CHP2: variants seen among roughly 807,000 people sequenced by gnomAD.
The protein encoded by CHP2 is calcineurin like EF-hand protein 2.
In CHP2, 31 loss-of-function variants were observed where a neutral mutation model predicts 24.7. The observed-to-expected ratio is 1.26, with a 90% confidence interval of 0.94 to 1.69. The LOEUF is 1.69. Ranked by LOEUF, CHP2 falls within the 40% of genes most tolerant of loss-of-function variation. CHP2 has a pLI of 0.00. For synonymous variants in CHP2, 97 were observed against 99.1 expected (o/e 0.98, Z 0.13); for missense variants, 319 against 261.5 (o/e 1.22, Z -1.52).
At chr16:23,757,057 A>AC (rs984177493) in intron 5 of CHP2, 144 bp from the exon 6 acceptor site, 4 of 817,140 alleles carry the variant, frequency 4.9e-6, no homozygotes, top group East Asian at 3.0e-5. Flanking sequence ...AGGGAAAATT[A>AC]TTGGGGGATA....
chr16:23,755,089 G>A lies in CHP2; in HGVS notation c.40G>A (p.Gly14Arg). The change falls in exon 1 of 7, where the codon GGG (glycine) becomes AGG (arginine). Residue 14 changes from glycine to arginine, a missense_variant. Transcript: ENST00000300113. ...RSSHAAVIPD[G>R]DSIRRETGFS... is the part of the protein sequence containing the mutation. The stretch of plus-strand genomic sequence containing the variant: ...CTCCCACGCCGCGGTCATTCCCGAC[G>A]GGGACAGTATTCGGCGAGAGACCGG... 1.2e-6 allele frequency: 2 copies of A among 1,601,826 alleles called. No individual in the cohort carries two copies. The highest frequency in any genetic ancestry group is 1.7e-6 in the Non-Finnish European group (2 of 1,176,542).
rs758157005 is a variant in CHP2 at position 23,755,669 on chromosome 16, G to A, written c.76G>A (p.Ala26Thr). 2 of 1,613,970 alleles carry A rather than the reference G, an allele frequency of 1.2e-6. No homozygotes were observed. The highest frequency in any genetic ancestry group is 1.1e-5 in the South Asian group (1 of 91,070). ...SIRRETGFSQ[A>T]SLLRLHHRFR... ...CACTCTCCTTCCCGCAGTCTCCCAAGCCAGCCTGCTCCGCCTGCACCACCG... is the reference window on the plus strand; with the variant it reads ...CACTCTCCTTCCCGCAGTCTCCCAAACCAGCCTGCTCCGCCTGCACCACCG... The change falls in exon 2 of 7, where the codon GCC becomes ACC. Residue 26 changes from alanine (A) to threonine (T), a missense_variant. Coordinates refer to ENST00000300113, the MANE Select transcript of CHP2 (RefSeq NM_022097.4).
chr16:23,756,618 G>C (rs541776210), intron 5 of CHP2, among the ~76,000 whole-genome samples, 169 bp downstream of exon 5: 1 of 152,268 alleles, frequency 6.6e-6, no homozygotes, highest in Non-Finnish European at 1.5e-5. Context: ...TTGGGAGTCG[G>C]AGTGGGGAGC....
At chr16:23,757,488 C>T (rs1408716520) in intron 6 of CHP2, 42 bp from the exon 7 acceptor site, 2 of 1,604,734 alleles carry the variant, frequency 1.2e-6, no homozygotes, top group African/African-American at 2.7e-5. Flanking sequence ...GCATGGAGAG[C>T]TGAGAGTCAA....
intron 3 of CHP2, 24 bp downstream of exon 3, chr16:23,755,951 G>A: frequency 6.2e-7 from 1 of 1,614,086 alleles, no homozygotes; most frequent in Non-Finnish European, 8.5e-7. Context: ...GGCGTGGGGA[G>A]GTGAAGGCGG....
Position 23,756,245 on chromosome 16 carries a change from G to C in CHP2, c.352+52G>C, listed in dbSNP as rs202155821. On this transcript the variant is annotated intron_variant, in intron 4 of 6. Coordinates refer to ENST00000300113, the MANE Select transcript of CHP2 (RefSeq NM_022097.4). The stretch of plus-strand genomic sequence containing the variant: ...GAGAATGCAGATGTACCCACACCAG[G>C]GACAGGCTCCAGGGATCTCCCACTC... 332 of 1,609,050 alleles carry C rather than the reference G, an allele frequency of 2.1e-4. No homozygotes were observed. In the South Asian group the frequency reaches 3.3e-3, roughly 16 times the overall value.
intron 5 of CHP2, among the ~76,000 whole-genome samples, chr16:23,756,721 T>C (rs1195089080): frequency 6.6e-6 from 1 of 152,104 alleles, no homozygotes; most frequent in Non-Finnish European, 1.5e-5. Flanking sequence ...GGAGATGCTT[T>C]TTGTTGTCAC....
In CHP2 at chr16:23,755,747, G is replaced by A. The variant is rs996728384; in HGVS notation, c.140+14G>A. ...GGGCTACCTGAGGTGAGGGGGAGCC[G>A]GCCTCATAACTTCTGGCCTCTGTCT... is the stretch of plus-strand genomic sequence containing the variant. On this transcript the variant is annotated intron_variant, in intron 2 of 6. Coordinates refer to ENST00000300113, the MANE Select transcript of CHP2 (RefSeq NM_022097.4). The A allele has an allele frequency of 3.7e-6, 6 of 1,613,904 alleles. No homozygotes were observed. The highest frequency in any genetic ancestry group is 2.2e-5 in the East Asian group (1 of 44,876).
At position 23,757,846 on chromosome 16, in the gene CHP2, T is replaced by C; in HGVS notation, c.*263T>C. 3.9e-6 allele frequency: 2 copies of C among 513,200 alleles called. No homozygotes were observed. The highest frequency in any genetic ancestry group is 3.5e-6 in the Non-Finnish European group (1 of 284,328). 31.8% of individuals were successfully genotyped at this position (513,200 alleles called of 1,614,324 possible). ...TGATTCAAGTGCATTACATTTATTG[T>C]GCACTTTATTTCTATTATGATTACA... On this transcript the variant is annotated 3_prime_UTR_variant, in exon 7 of 7. Transcript: ENST00000300113.
Position 23,758,166 on chromosome 16 carries a change from C to G in CHP2, c.*583C>G, listed in dbSNP as rs980163714. The G allele has an allele frequency of 6.1e-6, 1 of 164,968 alleles. No individual in the cohort carries two copies. The highest frequency in any genetic ancestry group is 2.4e-5 in the African/African-American group (1 of 41,648). 10.2% of individuals were successfully genotyped at this position (164,968 alleles called of 1,614,324 possible). A position where few individuals can be genotyped will look rare whatever the true frequency, so the allele number is the denominator to read the frequency against. ...GCTGTAAATATAGATGAAGCTTCAG[C>G]TCGCCTGCCGCTCACCTTGTGCTGT... On this transcript the variant is annotated 3_prime_UTR_variant, in exon 7 of 7. Coordinates refer to ENST00000300113, the MANE Select transcript of CHP2 (RefSeq NM_022097.4).
intron 6 of CHP2, 93 bp downstream of exon 6, chr16:23,757,416 G>C: frequency 6.3e-7 from 1 of 1,582,314 alleles, no homozygotes; most frequent in Non-Finnish European, 8.7e-7. Flanking sequence ...CGGAAAGATA[G>C]GGGTTGCCTG....
intron 1 of CHP2, 158 bp from the exon 2 acceptor site, chr16:23,755,503 T>C: frequency 1.5e-6 from 1 of 659,960 alleles, no homozygotes; most frequent in Non-Finnish European, 2.7e-6. Context: ...CGTGTCACTC[T>C]CCCTCCGCCC....
chr16:23,755,532 A>G (rs1396943654), intron 1 of CHP2, 129 bp from the exon 2 acceptor site: 4 of 791,468 alleles, frequency 5.1e-6, no homozygotes, highest in Non-Finnish European at 6.4e-6. Flanking sequence ...TCAACCCCTG[A>G]TTCCCCGGGA....
rs1301199596 is a variant in CHP2, at chr16:23,755,721, A to T, written c.128A>T (p.Lys43Met). 1 of 1,614,188 alleles carries T rather than the reference A, an allele frequency of 6.2e-7. No individual in the cohort carries two copies. The highest frequency in any genetic ancestry group is 2.2e-5 in the East Asian group (1 of 44,864). The part of the protein sequence containing the change: ...HRFRALDRNK[K>M]GYLSRMDLQQ... ...TTCCGGGCACTGGACAGGAATAAGA[A>T]GGGCTACCTGAGGTGAGGGGGAGCC... The change falls in exon 2 of 7, where the codon AAG (lysine) becomes ATG (methionine). Residue 43 changes from lysine to methionine, a missense_variant. By Grantham distance (95) the Lys-to-Met change is moderately conservative (BLOSUM62 -1). Transcript: ENST00000300113.
rs1567268073 is a variant in CHP2 at position 23,755,885 on chromosome 16, AC to A, written c.184del (p.Leu62TrpfsTer6). The stretch of plus-strand genomic sequence containing the variant: ...CAGCAGATAGGGGCGCTCGCCGTGA[AC>A]CCCCTGGGAGACCGAATTATAGAAA... ...DLQQIGALAV[N>X]PLGDRIIESF... On this transcript the variant is annotated frameshift_variant, in exon 3 of 7. Transcript: ENST00000300113. LOFTEE classifies it high-confidence loss of function. 6.2e-7 allele frequency: 1 copy of A among 1,613,722 alleles called. No individual in the cohort carries two copies. The highest frequency in any genetic ancestry group is 1.7e-5 in the Admixed American group (1 of 59,968).
chr16:23,755,648 C>G lies in CHP2; in HGVS notation c.68-13C>G, dbSNP rs1363753993. On this transcript the variant is annotated splice_polypyrimidine_tract_variant and intron_variant, in intron 1 of 6. Transcript: ENST00000300113. The stretch of plus-strand genomic sequence containing the variant: ...CAGAGTCACACACCCCCACCCCACT[C>G]TCCTTCCCGCAGTCTCCCAAGCCAG... 6.2e-7 allele frequency: 1 copy of G among 1,613,326 alleles called. No individual in the cohort carries two copies. The highest frequency in any genetic ancestry group is 1.3e-5 in the African/African-American group (1 of 74,916).
At chr16:23,756,587 T>C in intron 5 of CHP2, 138 bp downstream of exon 5, 1 of 746,232 alleles carries the variant, frequency 1.3e-6, no homozygotes, top group South Asian at 1.6e-5. Flanking sequence ...TGGGAATGGG[T>C]GCAGTTAGAG....
At position 23,756,396 on chromosome 16, in the gene CHP2, C is replaced by T. The variant is rs1961226164; in HGVS notation, c.361C>T (p.Gln121Ter). Residue 121 changes from glutamine (Q) to a stop codon, truncating the protein, a stop_gained, in exon 5 of 7, where the codon CAG becomes TAG. Coordinates refer to ENST00000300113, the MANE Select transcript of CHP2 (RefSeq NM_022097.4). LOFTEE classifies it high-confidence loss of function. ...TCCCACCCTCTCCCCAGATGCATTT[C>T]AGCTCTATGACCTGGATCGCGATGG... ...SRRNKLHYAF[Q>*]LYDLDRDGKI... 1 of 1,613,642 alleles carries T rather than the reference C, an allele frequency of 6.2e-7. No homozygotes were observed.
intron 4 of CHP2, 24 bp downstream of exon 4, chr16:23,756,217 A>G: frequency 6.2e-7 from 1 of 1,613,268 alleles, no homozygotes; most frequent in Non-Finnish European, 8.5e-7. Flanking sequence ...GACCTGCACA[A>G]GTGAGAATGC....
Sources: allele counts gnomAD v4.1 joint callset (sites outside exome capture counted in the v4.1 genomes callset), GRCh38; gene constraint gnomAD v4.1.1; transcripts MANE v1.5; gene names NCBI Gene and HGNC (gene_info 2026-07-23, HGNC 2026-07-21).